The following PCYT1A variants were observed in gnomAD, a reference collection of about 807,000 sequenced individuals.
PCYT1A encodes the protein phosphate cytidylyltransferase 1A, choline, also known as choline-phosphate cytidylyltransferase A.
Under a neutral mutation model 43.7 loss-of-function variants are expected in PCYT1A, and 25 were observed. That is an observed-to-expected ratio of 0.57 (90% CI 0.42 to 0.80). PCYT1A has a LOEUF of 0.80. PCYT1A is among the 30% of genes least tolerant of loss of function. The pLI, the probability that PCYT1A is intolerant of heterozygous loss-of-function variation, is 0.00. For synonymous variants in PCYT1A, 172 were observed against 170.7 expected (o/e 1.01, Z -0.06); for missense variants, 421 against 474.2 (o/e 0.89, Z 1.04).
chr3:196,269,971 T>C (rs1181307121), intron 2 of PCYT1A, among the ~76,000 whole-genome samples: 1 of 152,150 alleles, frequency 6.6e-6, no homozygotes, highest in Non-Finnish European at 1.5e-5. Flanking sequence ...CCTCCCGAGT[T>C]CAAGCAATTC....
chr3:196,256,383 G>A (rs1218348701), intron 3 of PCYT1A, among the ~76,000 whole-genome samples: 9 of 151,668 alleles, frequency 5.9e-5, no homozygotes, highest in East Asian at 2.0e-4. Context: ...CCAGCTACTC[G>A]GGAGGCTGGG....
At chr3:196,279,948 C>G (rs1725710066) in intron 1 of PCYT1A, among the ~76,000 whole-genome samples, 1 of 151,366 alleles carries the variant, frequency 6.6e-6, no homozygotes, top group African/African-American at 2.4e-5. Context: ...AATTCTCCTG[C>G]CTCAGCCTCC....
Position 196,242,315 on chromosome 3 carries a change from GA to G in PCYT1A, c.566-226del. 3.1e-6 allele frequency: 2 copies of G among 647,822 alleles called. No homozygotes were observed. Among genetic ancestry groups the G allele is most frequent in the South Asian group, 1.8e-5 (1 of 55,458 alleles). The allele number at this position is 647,822 out of a possible 1,614,324, so 40.1% of individuals were successfully genotyped here. On this transcript the variant is annotated intron_variant, in intron 6 of 8. Transcript: ENST00000431016. This position sits in a 1 kb window ranked among gnomAD's most constrained non-coding sequence, Gnocchi z 4.2. ...AGCCCTAATATTAAGAAAAATATGA[GA>G]AAGGGTTTCCTGAAATTAAGAGAGA...
At chr3:196,253,616 T>A (rs1405955940) in intron 3 of PCYT1A, among the ~76,000 whole-genome samples, 1 of 152,222 alleles carries the variant, frequency 6.6e-6, no homozygotes, top group Non-Finnish European at 1.5e-5. Context: ...AATCATCCTA[T>A]GTTAGGCCAA....
Position 196,242,775 on chromosome 3 carries a change from C to T in PCYT1A, c.487-135G>A. ...GGACTTCATATCTCTCTTTGCTTTG[C>T]TCATAAATTCTACAATCTATTCACA... On this transcript the variant is annotated intron_variant, in intron 5 of 8. Transcript: ENST00000431016. The surrounding 1 kb of genome is among the most constrained non-coding windows in gnomAD (Gnocchi z 4.2). 1 of 660,792 alleles carries T rather than the reference C, an allele frequency of 1.5e-6. No homozygotes were observed. The highest frequency in any genetic ancestry group is 1.8e-5 in the African/African-American group (1 of 55,386). 40.9% of individuals were successfully genotyped at this position (660,792 alleles called of 1,614,324 possible).
At chr3:196,241,611 C>T (rs761275134) in intron 7 of PCYT1A, 1 of 1,318,938 alleles carries the variant, frequency 7.6e-7, no homozygotes, top group South Asian at 1.2e-5. Flanking sequence ...GGGCTCATAG[C>T]CTTTCGCAGG....
intron 5 of PCYT1A, among the ~76,000 whole-genome samples, chr3:196,245,491 T>TG (rs983158579): frequency 6.6e-6 from 1 of 152,172 alleles, no homozygotes; most frequent in African/African-American, 2.4e-5. Flanking sequence ...TGAATGATAC[T>TG]GGGGATCAAT....
intron 3 of PCYT1A, among the ~76,000 whole-genome samples, chr3:196,251,816 C>T (rs1335561869): frequency 6.6e-6 from 1 of 152,194 alleles, no homozygotes; most frequent in African/African-American, 2.4e-5. Context: ...ATAGGGATAC[C>T]AGGTGGCTGT....
intron 8 of PCYT1A, 116 bp from the exon 9 acceptor site, chr3:196,239,010 G>A: frequency 1.9e-6 from 1 of 520,012 alleles, no homozygotes; most frequent in East Asian, 3.5e-5. Flanking sequence ...GTTCTCCCCT[G>A]CTGTCATCAC....
chr3:196,240,029 A>T, intron 7 of PCYT1A: 2 of 358,498 alleles, frequency 5.6e-6, no homozygotes. Context: ...GATAAAACAT[A>T]AACTTGGAAC....
chr3:196,251,729 C>T (rs1724795652), intron 3 of PCYT1A: 1 of 152,214 alleles, frequency 6.6e-6, no homozygotes, highest in Non-Finnish European at 1.5e-5. Flanking sequence ...TAGCATAATA[C>T]ACCCACTAAA....
At chr3:196,284,621 A>G (rs1725855196) in intron 1 of PCYT1A, among the ~76,000 whole-genome samples, 1 of 152,220 alleles carries the variant, frequency 6.6e-6, no homozygotes, top group Non-Finnish European at 1.5e-5. Flanking sequence ...AAGGGATCAC[A>G]TATCCAAAAA....
At chr3:196,263,345 A>T (rs191687614) in intron 2 of PCYT1A, among the ~76,000 whole-genome samples, 2 of 152,290 alleles carry the variant, frequency 1.3e-5, no homozygotes, top group Admixed American at 6.5e-5. Context: ...CTTCCTGAGC[A>T]GCTAGGACCA....
In PCYT1A at chr3:196,277,072, A is replaced by G. The variant is rs572403565; in HGVS notation, c.-10-6531T>C. Reference sequence around the variant, plus strand: ...TGGTGAAACCCCGTTTCTACTAAAAATATAAAAATTAGCCAGGTGTGGTGG... The same window carrying G: ...TGGTGAAACCCCGTTTCTACTAAAAGTATAAAAATTAGCCAGGTGTGGTGG... On this transcript the variant is annotated intron_variant, in intron 1 of 8. Transcript: ENST00000431016. The surrounding 1 kb of genome is among the most constrained non-coding windows in gnomAD (Gnocchi z 4.1). 2.0e-5 allele frequency among the ~76,000 whole-genome samples: 3 copies of G among 152,162 alleles called. No homozygotes were observed. The highest frequency in any genetic ancestry group is 4.1e-4 in the South Asian group (2 of 4,824).
intron 1 of PCYT1A, among the ~76,000 whole-genome samples, chr3:196,278,529 G>A (rs1015648464): frequency 4.2e-4 from 64 of 152,262 alleles, no homozygotes; most frequent in African/African-American, 1.5e-3. Flanking sequence ...ATGGGGCAGT[G>A]CATTACTCAA....
intron 2 of PCYT1A, among the ~76,000 whole-genome samples, chr3:196,260,060 T>C (rs1725064276): frequency 1.3e-5 from 2 of 151,318 alleles, no homozygotes. Context: ...CTAGCTGGGA[T>C]TGCAGGCATG....
rs1725593948 is a variant in PCYT1A, at chr3:196,276,475, T to G, written c.-10-5934A>C. On this transcript the variant is annotated intron_variant, in intron 1 of 8. Transcript: ENST00000431016. ...AAAATTAGCCAGACTTGGTGGTGCATTCCTGTAATCCCAGCTACTCAGGAG... is the reference window on the plus strand; with the variant it reads ...AAAATTAGCCAGACTTGGTGGTGCAGTCCTGTAATCCCAGCTACTCAGGAG... Among the ~76,000 whole-genome samples the G allele has an allele frequency of 2.0e-5, 3 of 151,872 alleles. No homozygotes were observed. In the South Asian group the frequency reaches 6.2e-4, roughly 31 times the overall value.
intron 3 of PCYT1A, among the ~76,000 whole-genome samples, chr3:196,251,834 G>A (rs1724798588): frequency 1.3e-5 from 2 of 152,218 alleles, no homozygotes; most frequent in Non-Finnish European, 2.9e-5. Context: ...TGTGAGACAG[G>A]TCTTGAGAGG....
In PCYT1A at chr3:196,235,929, A is replaced by G. The variant is rs977389597; in HGVS notation, c.*2759T>C. On this transcript the variant is annotated 3_prime_UTR_variant, in exon 9 of 9. Transcript: ENST00000431016. This position sits in a 1 kb window ranked among gnomAD's most constrained non-coding sequence, Gnocchi z 4.3. ...CAGCACCTCAGACCACATTTACCCC[A>G]AAGTATCTAACAGGCCACACTATAA... The G allele has an allele frequency of 1.3e-5, 2 of 152,260 alleles. No individual in the cohort carries two copies. Among genetic ancestry groups the G allele is most frequent in the Non-Finnish European group, 2.9e-5 (2 of 68,074 alleles). The allele number at this position is 152,260 out of a possible 1,614,324, so 9.4% of individuals were successfully genotyped here.
Sources: gnomAD v4.1 joint callset for allele counts (sites outside exome capture counted in the v4.1 genomes callset) on GRCh38, gnomAD v4.1.1 for gene constraint, Gnocchi (gnomAD v3.1) non-coding constraint, MANE v1.5 for transcripts, NCBI Gene and HGNC (gene_info 2026-07-23, HGNC 2026-07-21) for gene names.